The following CHRM3 variants were observed in gnomAD, a reference collection of about 807,000 sequenced individuals.
The protein encoded by CHRM3 is muscarinic acetylcholine receptor M3.
In CHRM3, 11 loss-of-function variants were observed where a neutral mutation model predicts 41.8. That is an observed-to-expected ratio of 0.26 (90% CI 0.17 to 0.44). The LOEUF (loss-of-function observed/expected upper bound fraction) is 0.44, where lower values mean the gene tolerates loss of function less well. Ranked by LOEUF, CHRM3 falls within the 20% of genes least tolerant of loss-of-function variation. The pLI is 1.00. For missense variants in CHRM3, 571 were observed against 745.4 expected (o/e 0.77, Z 2.72); for synonymous variants, 297 against 301.4 (o/e 0.99, Z 0.15).
intron 5 of CHRM3, among the ~76,000 whole-genome samples, chr1:239,816,511 A>G (rs61600919): frequency 0.27 from 40,877 of 151,892 alleles, 5,734 homozygotes; most frequent in East Asian, 0.45. Context: ...GAGGGAGGGA[A>G]TCAATCCCAG....
intron 1 of CHRM3, among the ~76,000 whole-genome samples, chr1:239,432,079 T>C (rs1293553853): frequency 6.6e-6 from 1 of 152,118 alleles, no homozygotes; most frequent in Non-Finnish European, 1.5e-5. Context: ...GAAGTCTCGA[T>C]GGATCACGCC....
rs529364822 is a variant in CHRM3 at position 239,659,811 on chromosome 1, T to C, written c.-249-18375T>C. Among the ~76,000 whole-genome samples, 324 of 152,342 alleles carry C rather than the reference T, an allele frequency of 2.1e-3. 1 individual carries two copies. The highest frequency in any genetic ancestry group is 4.1e-3 in the Non-Finnish European group (277 of 68,020). Reference sequence around the variant, plus strand: ...AAGTTAGCTCATTACCTACAGTGGATACCTGAGGGCATTAGGACTTTATTC... The same window carrying C: ...AAGTTAGCTCATTACCTACAGTGGACACCTGAGGGCATTAGGACTTTATTC... On this transcript the variant is annotated intron_variant, in intron 4 of 6. Coordinates refer to ENST00000676153, the MANE Select transcript of CHRM3 (RefSeq NM_001375978.1).
At chr1:239,761,809 G>A (rs7533134) in intron 5 of CHRM3, among the ~76,000 whole-genome samples, 41,173 of 152,014 alleles carry the variant, frequency 0.27, 6,040 homozygotes, top group East Asian at 0.61. Flanking sequence ...TTGATCAGTT[G>A]CACCGGACAG....
chr1:239,552,339 A>C (rs1377681210), intron 3 of CHRM3, among the ~76,000 whole-genome samples: 1 of 148,100 alleles, frequency 6.8e-6, no homozygotes, highest in Non-Finnish European at 1.5e-5. Context: ...GATGATATGT[A>C]TCATATTTTA....
chr1:239,530,961 T>TAC (rs1455228017), intron 2 of CHRM3, among the ~76,000 whole-genome samples: 1 of 152,116 alleles, frequency 6.6e-6, no homozygotes, highest in Admixed American at 6.5e-5. Flanking sequence ...CATATCAATC[T>TAC]ACATATTCAA....
chr1:239,643,191 C>A (rs942341760), intron 4 of CHRM3, among the ~76,000 whole-genome samples: 2 of 152,160 alleles, frequency 1.3e-5, no homozygotes, highest in Admixed American at 6.5e-5. Context: ...GGGTGCCTCC[C>A]AGTTAGGCTG....
At chr1:239,564,092 G>A (rs1661134211) in intron 3 of CHRM3, among the ~76,000 whole-genome samples, 1 of 151,994 alleles carries the variant, frequency 6.6e-6, no homozygotes, top group Non-Finnish European at 1.5e-5. Flanking sequence ...TAGAAGTTTT[G>A]GTAGAATGAA....
intron 6 of CHRM3, among the ~76,000 whole-genome samples, chr1:239,889,049 C>T (rs1678312051): frequency 6.6e-6 from 1 of 152,022 alleles, no homozygotes; most frequent in African/African-American, 2.4e-5. Flanking sequence ...AAGTCAAGGA[C>T]GCAGACACAC....
intron 5 of CHRM3, among the ~76,000 whole-genome samples, chr1:239,772,302 C>T (rs553017668): frequency 7.9e-5 from 12 of 152,144 alleles, no homozygotes; most frequent in Admixed American, 6.5e-4. Context: ...AGGCATGCAC[C>T]GCCACAACCG....
chr1:239,725,457 CT>C (rs1001072142), intron 5 of CHRM3, among the ~76,000 whole-genome samples: 13 of 151,654 alleles, frequency 8.6e-5, no homozygotes, highest in Non-Finnish European at 1.3e-4. Context: ...GCAGGATATA[CT>C]TTTTGTTTCT....
intron 4 of CHRM3, among the ~76,000 whole-genome samples, chr1:239,633,414 C>A (rs971398063): frequency 1.1e-4 from 17 of 152,146 alleles, no homozygotes; most frequent in African/African-American, 4.1e-4. Context: ...AATCACCTCC[C>A]ACAAGGCCCC....
chr1:239,406,747 C>T (rs1459655468), intron 1 of CHRM3, among the ~76,000 whole-genome samples: 2 of 152,122 alleles, frequency 1.3e-5, no homozygotes, highest in Non-Finnish European at 1.5e-5. Context: ...ATTACAGATG[C>T]TTTTATTGAC....
At chr1:239,802,177 A>G (rs1332177673) in intron 5 of CHRM3, among the ~76,000 whole-genome samples, 1 of 152,216 alleles carries the variant, frequency 6.6e-6, no homozygotes, top group Non-Finnish European at 1.5e-5. Context: ...CTTTGAAATG[A>G]TGTAAGCTGA....
At chr1:239,881,228 AG>A (rs1677583373) in intron 6 of CHRM3, among the ~76,000 whole-genome samples, 1 of 133,254 alleles carries the variant, frequency 7.5e-6, no homozygotes. Context: ...GCTTGCAGTG[AG>A]CCGAGATCCC....
chr1:239,818,451 T>A (rs1314994518), intron 5 of CHRM3, among the ~76,000 whole-genome samples: 1 of 152,160 alleles, frequency 6.6e-6, no homozygotes, highest in Non-Finnish European at 1.5e-5. Flanking sequence ...CTTCCTCCAC[T>A]CCCTGGAAGC....
intron 3 of CHRM3, among the ~76,000 whole-genome samples, chr1:239,612,116 G>A (rs1667142217): frequency 6.6e-6 from 1 of 152,168 alleles, no homozygotes; most frequent in Non-Finnish European, 1.5e-5. Context: ...GATATTCAGA[G>A]ATGGAAGCAC....
At chr1:239,795,106 T>C (rs1669663047) in intron 5 of CHRM3, among the ~76,000 whole-genome samples, 1 of 152,208 alleles carries the variant, frequency 6.6e-6, no homozygotes, top group African/African-American at 2.4e-5. Flanking sequence ...TTTTACTTTT[T>C]ATGTGAAAAA....
At chr1:239,436,401 G>A (rs929219877) in intron 1 of CHRM3, among the ~76,000 whole-genome samples, 3 of 152,140 alleles carry the variant, frequency 2.0e-5, no homozygotes, top group Non-Finnish European at 4.4e-5. Flanking sequence ...AGTGGACAGA[G>A]CTCTATGTCC....
intron 2 of CHRM3, among the ~76,000 whole-genome samples, chr1:239,540,593 A>C (rs1658679492): frequency 6.6e-6 from 1 of 152,206 alleles, no homozygotes; most frequent in Admixed American, 6.5e-5. Context: ...AATTCAAGGA[A>C]ATTTTCGTGC....
Sources: gnomAD v4.1 joint callset for allele counts (sites outside exome capture counted in the v4.1 genomes callset) on GRCh38, gnomAD v4.1.1 for gene constraint, MANE v1.5 for transcripts, NCBI Gene and HGNC (gene_info 2026-07-23, HGNC 2026-07-21) for gene names.